The following PRMT3 variants were observed in gnomAD, a reference collection of about 807,000 sequenced individuals.
PRMT3 encodes the protein protein arginine methyltransferase 3, also known as protein arginine N-methyltransferase 3.
In PRMT3, 62 loss-of-function variants were observed where a neutral mutation model predicts 71.9. That is an observed-to-expected ratio of 0.86 (90% CI 0.70 to 1.07). The LOEUF is 1.07. Among genes scored for constraint, PRMT3 ranks in the 50% least tolerant of loss-of-function variants. The probability of loss-of-function intolerance (pLI) is 0.00; values close to 1 mark genes in which losing one functional copy is unlikely to be tolerated. For missense variants in PRMT3, 663 were observed against 643.0 expected (o/e 1.03, Z -0.34); for synonymous variants, 213 against 220.4 (o/e 0.97, Z 0.30).
intron 13 of PRMT3, among the ~76,000 whole-genome samples, chr11:20,491,608 G>A (rs1314613553): frequency 2.6e-5 from 4 of 152,102 alleles, no homozygotes; most frequent in South Asian, 2.1e-4. Flanking sequence ...CCTAGTTTAC[G>A]GATTAGTCTG....
intron 13 of PRMT3, among the ~76,000 whole-genome samples, chr11:20,465,734 T>A (rs1368647387): frequency 6.6e-6 from 1 of 152,094 alleles, no homozygotes; most frequent in Non-Finnish European, 1.5e-5. Flanking sequence ...TAAAGATTTG[T>A]GACTTTGGAG....
intron 3 of PRMT3, among the ~76,000 whole-genome samples, chr11:20,390,674 T>C (rs1442872091): frequency 6.6e-6 from 1 of 152,226 alleles, no homozygotes; most frequent in African/African-American, 2.4e-5. Context: ...AGAAGAGCTA[T>C]ACTACAATAA....
chr11:20,485,223 T>C (rs2133441101), intron 13 of PRMT3, among the ~76,000 whole-genome samples: 1 of 151,330 alleles, frequency 6.6e-6, no homozygotes, highest in Non-Finnish European at 1.5e-5. Flanking sequence ...TGCCCCCAGG[T>C]TCCTTGCAGA....
chr11:20,426,206 T>C (rs1358849343), intron 9 of PRMT3, among the ~76,000 whole-genome samples: 1 of 152,238 alleles, frequency 6.6e-6, no homozygotes, highest in Non-Finnish European at 1.5e-5. Flanking sequence ...TATAGATACA[T>C]GTATAGCTTT....
intron 9 of PRMT3, among the ~76,000 whole-genome samples, chr11:20,416,176 C>CT (rs1197648436): frequency 3.3e-5 from 5 of 152,192 alleles, no homozygotes; most frequent in African/African-American, 4.8e-5. Flanking sequence ...CCACCACTCT[C>CT]TGTCATCTGT....
rs781323336 is a variant in PRMT3, at chr11:20,402,929, G to A, written c.716G>A (p.Arg239Gln). ...CTCTCTCCACCCTAGGACAAAATAC[G>A]AACAGAAAGCTACCGAGATTTCATA... ...IHEEMLKDKI[R>Q]TESYRDFIYQ... The change falls in exon 8 of 16, where the codon CGA becomes CAA. Residue 239 changes from arginine to glutamine, a missense_variant. By Grantham distance (43) the Arg-to-Gln change is conservative. Coordinates refer to ENST00000331079, the MANE Select transcript of PRMT3 (RefSeq NM_005788.4). 1.9e-6 allele frequency: 3 copies of A among 1,608,422 alleles called. No homozygotes were observed. The highest frequency in any genetic ancestry group is 1.1e-5 in the South Asian group (1 of 90,918).
intron 15 of PRMT3, among the ~76,000 whole-genome samples, chr11:20,507,513 C>A (rs987015829): frequency 6.6e-6 from 1 of 152,328 alleles, no homozygotes; most frequent in African/African-American, 2.4e-5. Flanking sequence ...CAGTGGCTTA[C>A]GCCTGTAATC....
At chr11:20,480,818 C>A (rs1463493974) in intron 13 of PRMT3, among the ~76,000 whole-genome samples, 1 of 151,982 alleles carries the variant, frequency 6.6e-6, no homozygotes, top group Admixed American at 6.6e-5. Flanking sequence ...AGGTTTCTTA[C>A]ATGTACAATT....
At chr11:20,412,939 A>G (rs574450358) in intron 9 of PRMT3, among the ~76,000 whole-genome samples, 29 of 152,252 alleles carry the variant, frequency 1.9e-4, no homozygotes, top group Non-Finnish European at 3.2e-4. Flanking sequence ...CTCTGTTTCT[A>G]TAGTGGGGTC....
intron 15 of PRMT3, among the ~76,000 whole-genome samples, chr11:20,506,758 G>A (rs1203534111): frequency 6.6e-6 from 1 of 152,068 alleles, no homozygotes; most frequent in Non-Finnish European, 1.5e-5. Context: ...TCCTGACACT[G>A]TTTGGTGTTA....
intron 8 of PRMT3, among the ~76,000 whole-genome samples, chr11:20,404,922 G>T (rs563671636): frequency 6.6e-6 from 1 of 152,280 alleles, no homozygotes; most frequent in South Asian, 2.1e-4. Context: ...AGAGGAGCTT[G>T]TTAAGAAAGT....
At chr11:20,390,351 T>C (rs1242611345) in intron 3 of PRMT3, among the ~76,000 whole-genome samples, 1 of 152,154 alleles carries the variant, frequency 6.6e-6, no homozygotes. Flanking sequence ...GCTTTTCAAC[T>C]AAAAACAAAA....
intron 3 of PRMT3, among the ~76,000 whole-genome samples, 170 bp downstream of exon 3, chr11:20,389,996 C>T (rs1848678238): frequency 1.3e-5 from 2 of 152,058 alleles, no homozygotes; most frequent in Admixed American, 6.6e-5. Flanking sequence ...TACTAAAATA[C>T]AAAAGTTATC....
At chr11:20,478,701 C>G (rs1328084800) in intron 13 of PRMT3, among the ~76,000 whole-genome samples, 1 of 152,138 alleles carries the variant, frequency 6.6e-6, no homozygotes, top group African/African-American at 2.4e-5. Flanking sequence ...CCAGTGATCT[C>G]TTAGTCATAA....
At chr11:20,504,741 A>AGAGAGAGAGAGAGAGC (rs1565243517) in intron 15 of PRMT3, among the ~76,000 whole-genome samples, 1 of 137,630 alleles carries the variant, frequency 7.3e-6, no homozygotes, top group African/African-American at 2.6e-5. Flanking sequence ...AGAGAGAGAG[A>AGAGAGAGAGAGAGAGC]GAGAGCGAGA....
At chr11:20,439,350 T>C (rs1271229139) in intron 10 of PRMT3, among the ~76,000 whole-genome samples, 1 of 152,072 alleles carries the variant, frequency 6.6e-6, no homozygotes. Flanking sequence ...TGGCTGGGAT[T>C]TGGGGTGGTA....
chr11:20,461,639 G>A (rs569341903), intron 11 of PRMT3, among the ~76,000 whole-genome samples: 1 of 152,096 alleles, frequency 6.6e-6, no homozygotes, highest in South Asian at 2.1e-4. Flanking sequence ...GAGGAATATA[G>A]GAATAAGTAA....
chr11:20,488,767 T>G (rs558908494), intron 13 of PRMT3, among the ~76,000 whole-genome samples: 31 of 152,292 alleles, frequency 2.0e-4, no homozygotes, highest in African/African-American at 6.3e-4. Flanking sequence ...TAAAGAAATA[T>G]TCATCACACT....
intron 8 of PRMT3, chr11:20,405,946 A>G (rs1256455358): frequency 1.3e-5 from 2 of 152,180 alleles, no homozygotes; most frequent in Non-Finnish European, 2.9e-5. Context: ...AACTGTTCTC[A>G]TTAAACGGTA....
Sources: gnomAD v4.1 joint callset for allele counts (sites outside exome capture counted in the v4.1 genomes callset) on GRCh38, gnomAD v4.1.1 for gene constraint, MANE v1.5 for transcripts, NCBI Gene and HGNC (gene_info 2026-07-23, HGNC 2026-07-21) for gene names.